The following RNF11 variants were observed in gnomAD, a reference collection of about 807,000 sequenced individuals.
RNF11 encodes ring finger protein 11.
Under a neutral mutation model 15.8 loss-of-function variants are expected in RNF11, and 4 were observed. The observed-to-expected ratio is 0.25, with a 90% CI of 0.12 to 0.58. The LOEUF is 0.58. RNF11 is among the 20% of genes least tolerant of loss of function. The probability of loss-of-function intolerance (pLI) is 0.91; values close to 1 mark genes in which losing one functional copy is unlikely to be tolerated. For synonymous variants in RNF11, 68 were observed against 72.3 expected, an observed-to-expected ratio of 0.94 and a Z score of 0.30; for missense variants, 139 against 194.4, an observed-to-expected ratio of 0.71 and a Z score of 1.70.
At chr1:51,243,113 A>G (rs1409545305) in intron 1 of RNF11, among the ~76,000 whole-genome samples, 1 of 152,164 alleles carries the variant, frequency 6.6e-6, no homozygotes, top group African/African-American at 2.4e-5. Context: ...TGGAAATCAT[A>G]TATTGCCTTA....
chr1:51,236,948 G>T (rs1646806404), intron 1 of RNF11, 69 bp downstream of exon 1: 5 of 1,526,314 alleles, frequency 3.3e-6, no homozygotes, highest in Non-Finnish European at 3.5e-6. Context: ...GGGCTTCGGG[G>T]CCGTCTCTGC....
Position 51,257,137 on chromosome 1 carries a change from C to T in RNF11, c.124-12819C>T, listed in dbSNP as rs552946242. ...CAGTTCTCAGTGCTTCTCAGTACCT[C>T]CCACCCACCTTATCTGGGACAGGAT... On this transcript the variant is annotated intron_variant, in intron 1 of 2. Transcript: ENST00000242719. Among the ~76,000 whole-genome samples the T allele has an allele frequency of 7.9e-5, 12 of 152,256 alleles. No individual in the cohort carries two copies. The South Asian group carries it at 1.9e-3, about 24-fold the overall frequency.
chr1:51,244,319 T>G (rs778993534), intron 1 of RNF11, among the ~76,000 whole-genome samples: 1 of 152,266 alleles, frequency 6.6e-6, no homozygotes, highest in Non-Finnish European at 1.5e-5. Context: ...CTATCACTTC[T>G]AATTTATAAA....
intron 1 of RNF11, chr1:51,250,601 T>A: frequency 1.5e-6 from 1 of 672,878 alleles, no homozygotes; most frequent in Non-Finnish European, 2.6e-6. Context: ...AAAAACCCTA[T>A]GTTGTAGCCA....
At chr1:51,237,509 A>G (rs1646810507) in intron 1 of RNF11, among the ~76,000 whole-genome samples, 1 of 150,740 alleles carries the variant, frequency 6.6e-6, no homozygotes, top group Non-Finnish European at 1.5e-5. Context: ...CCCATATGAC[A>G]CACCTTTTAA....
At chr1:51,256,082 T>G (rs1646902898) in intron 1 of RNF11, among the ~76,000 whole-genome samples, 1 of 152,228 alleles carries the variant, frequency 6.6e-6, no homozygotes, top group African/African-American at 2.4e-5. Context: ...GCCAAAACAT[T>G]ATCACCCCAA....
Position 51,269,957 on chromosome 1 carries a change from A to G in RNF11, c.125A>G (p.Glu42Gly). The G allele has an allele frequency of 6.2e-7, 1 of 1,609,336 alleles. No homozygotes were observed. The highest frequency in any genetic ancestry group is 8.5e-7 in the Non-Finnish European group (1 of 1,178,336). Residue 42 changes from glutamate (E) to glycine (G), a missense_variant and splice_region_variant, in exon 2 of 3, where the codon GAA (glutamate) becomes GGA (glycine). Physicochemically the swap from Glu to Gly is moderately conservative, Grantham distance 98 (BLOSUM62 -2). Transcript: ENST00000242719. ...PDQEPPPPYQ[E>G]QVPVPVYHPT... Reference sequence around the variant, plus strand: ...TTCCTCTATATTTTAATATTTTAGGAACAAGTTCCAGTTCCAGTCTACCAC... The same window carrying G: ...TTCCTCTATATTTTAATATTTTAGGGACAAGTTCCAGTTCCAGTCTACCAC...
intron 1 of RNF11, chr1:51,251,203 T>C (rs1646875987): frequency 1.4e-6 from 2 of 1,416,320 alleles, no homozygotes; most frequent in South Asian, 1.2e-5. Flanking sequence ...AAGTCAATGA[T>C]CTCTGATTCC....
chr1:51,264,627 G>C (rs2148073829), intron 1 of RNF11, among the ~76,000 whole-genome samples: 1 of 152,238 alleles, frequency 6.6e-6, no homozygotes, highest in South Asian at 2.1e-4. Context: ...AGAAGAGCTG[G>C]CTCTTATTTC....
chr1:51,242,250 C>CT (rs1339097588), intron 1 of RNF11, among the ~76,000 whole-genome samples: 1 of 150,624 alleles, frequency 6.6e-6, no homozygotes, highest in Non-Finnish European at 1.5e-5. Flanking sequence ...TTTTGGGGAG[C>CT]TTTTTTGACA....
chr1:51,253,680 C>T (rs150953545), intron 1 of RNF11, among the ~76,000 whole-genome samples: 2 of 152,226 alleles, frequency 1.3e-5, no homozygotes, highest in East Asian at 3.9e-4. Context: ...ATATAAAATA[C>T]ACTGCCATAA....
Position 51,271,526 on chromosome 1 carries a change from A to G in RNF11, c.*204A>G, listed in dbSNP as rs1646978558. 1 of 504,800 alleles carries G rather than the reference A, an allele frequency of 2.0e-6. No homozygotes were observed. The highest frequency in any genetic ancestry group is 3.2e-5 in the Admixed American group (1 of 30,844). The allele number at this position is 504,800 out of a possible 1,614,324, so 31.3% of individuals were successfully genotyped here. On this transcript the variant is annotated 3_prime_UTR_variant, in exon 3 of 3. Transcript: ENST00000242719. ...GAAAAGTAGGATGGTATTTTTATGT[A>G]AAGCCTTGACCCAATGTTTAAAAAT...
chr1:51,238,603 A>G (rs769072754), intron 1 of RNF11, among the ~76,000 whole-genome samples: 1 of 152,218 alleles, frequency 6.6e-6, no homozygotes, highest in Non-Finnish European at 1.5e-5. Flanking sequence ...GTCACAGGGT[A>G]GTCTCTTAAA....
intron 1 of RNF11, among the ~76,000 whole-genome samples, chr1:51,264,288 AT>A (rs1289337054): frequency 7.8e-3 from 304 of 38,820 alleles, no homozygotes; most frequent in African/African-American, 0.011. Flanking sequence ...AAAAAAAAAA[AT>A]ATATATATAT....
chr1:51,257,853 C>CTTTTTTT lies in RNF11; in HGVS notation c.124-12091_124-12085dup, dbSNP rs1245365473. ...CTTCTTATTTCTTTTCTTTTCTTTT[C>CTTTTTTT]TTTTTTTTTTTTTTTTTTGAGACAA... On this transcript the variant is annotated intron_variant, in intron 1 of 2. Transcript: ENST00000242719. 8.8e-4 allele frequency among the ~76,000 whole-genome samples: 80 copies of CTTTTTTT among 91,238 alleles called. 3 individuals carry two copies. Among genetic ancestry groups the CTTTTTTT allele is most frequent in the African/African-American group, 3.6e-3 (75 of 20,660 alleles). The allele number at this position is 91,238 out of a possible 152,430, so 59.9% of individuals were successfully genotyped here.
At chr1:51,260,487 C>T (rs1646925234) in intron 1 of RNF11, among the ~76,000 whole-genome samples, 1 of 152,190 alleles carries the variant, frequency 6.6e-6, no homozygotes, top group Non-Finnish European at 1.5e-5. Flanking sequence ...ACTTCACTCC[C>T]TTCCCCAGAA....
At chr1:51,237,422 GTGTATATATATATATATGTGTATA>G (rs1435017558) in intron 1 of RNF11, among the ~76,000 whole-genome samples, 1 of 143,608 alleles carries the variant, frequency 7.0e-6, no homozygotes, top group Non-Finnish European at 1.5e-5. Flanking sequence ...TTGTGTGTGT[GTGTATATATATATATATGTGTATA>G]TATATATATA....
At chr1:51,244,998 A>G (rs1008832681) in intron 1 of RNF11, among the ~76,000 whole-genome samples, 2 of 151,834 alleles carry the variant, frequency 1.3e-5, no homozygotes, top group Non-Finnish European at 2.9e-5. Flanking sequence ...AGGTAATAGT[A>G]GAAACCTTTG....
At chr1:51,264,463 G>C (rs1557682409) in intron 1 of RNF11, among the ~76,000 whole-genome samples, 1 of 151,490 alleles carries the variant, frequency 6.6e-6, no homozygotes, top group African/African-American at 2.4e-5. Context: ...ATCAGAAGTA[G>C]AACATACATT....
Sources: gnomAD v4.1 joint callset for allele counts (sites outside exome capture counted in the v4.1 genomes callset) on GRCh38, gnomAD v4.1.1 for gene constraint, MANE v1.5 for transcripts, NCBI Gene and HGNC (gene_info 2026-07-23, HGNC 2026-07-21) for gene names.